The following ADGRG3 variants were observed in gnomAD, a reference collection of about 807,000 sequenced individuals.
ADGRG3 encodes G protein-coupled receptor 97.
Under a neutral mutation model 54.3 loss-of-function variants are expected in ADGRG3, and 39 were observed. The ratio of observed to expected loss-of-function variants is 0.72; its 90% confidence interval spans 0.56 to 0.94. The LOEUF is 0.94. ADGRG3 is among the 40% of genes least tolerant of loss of function. The pLI, the probability that ADGRG3 is intolerant of heterozygous loss-of-function variation, is 0.00. For synonymous variants in ADGRG3, 312 were observed against 290.0 expected (o/e 1.08, Z -0.77); for missense variants, 654 against 694.6 (o/e 0.94, Z 0.66).
At chr16:57,678,077 C>T (rs2048294902) in intron 3 of ADGRG3, 93 bp from the exon 4 acceptor site, 1 of 1,506,390 alleles carries the variant, frequency 6.6e-7, no homozygotes, top group South Asian at 1.2e-5. Flanking sequence ...TGCCCCCTAC[C>T]CAGTGTGCCT....
intron 1 of ADGRG3, among the ~76,000 whole-genome samples, chr16:57,668,658 A>G (rs1449695306): frequency 6.6e-6 from 1 of 152,154 alleles, no homozygotes; most frequent in African/African-American, 2.4e-5. Context: ...TGCCCTGGAG[A>G]TAGGGGAGGT....
upstream of ADGRG3, among the ~76,000 whole-genome samples, chr16:57,666,345 CAGGT>C (rs1474118081): frequency 1.3e-5 from 2 of 152,266 alleles, no homozygotes; most frequent in Admixed American, 1.3e-4. Context: ...CTCACCTTCT[CAGGT>C]AGGCCCTGCA....
chr16:57,684,244 G>T, intron 9 of ADGRG3, 32 bp downstream of exon 9: 4 of 1,599,040 alleles, frequency 2.5e-6, no homozygotes, highest in Non-Finnish European at 3.4e-6. Context: ...AGAATAAACG[G>T]CCGGCCCTGA....
intron 6 of ADGRG3, 144 bp downstream of exon 6, chr16:57,679,999 C>T: frequency 7.6e-6 from 4 of 528,306 alleles, no homozygotes; most frequent in Non-Finnish European, 1.3e-5. Context: ...CCTGCATCCC[C>T]TCCCTTCCCC....
chr16:57,670,791 A>T (rs1464647063), intron 1 of ADGRG3, among the ~76,000 whole-genome samples: 4 of 152,160 alleles, frequency 2.6e-5, no homozygotes, highest in Non-Finnish European at 5.9e-5. Context: ...GTTACTCTTT[A>T]TTCAGCCATT....
intron 10 of ADGRG3, 148 bp from the exon 11 acceptor site, chr16:57,685,495 G>T (rs954071376): frequency 1.4e-6 from 1 of 714,738 alleles, no homozygotes; most frequent in Non-Finnish European, 2.4e-6. Flanking sequence ...GCCAGGTGAC[G>T]GCCCCTCCCA....
intron 1 of ADGRG3, among the ~76,000 whole-genome samples, chr16:57,671,550 G>A (rs990938066): frequency 2.0e-5 from 3 of 151,946 alleles, no homozygotes; most frequent in Non-Finnish European, 1.5e-5. Flanking sequence ...GGCCAGGCTG[G>A]TCTCAAACTC....
At chr16:57,678,952 G>A (rs1415408253) in intron 4 of ADGRG3, 3 of 585,910 alleles carry the variant, frequency 5.1e-6, no homozygotes, top group Admixed American at 3.0e-5. Flanking sequence ...GAGCTGTCAG[G>A]TGCACAGCTT....
chr16:57,681,375 TGCGC>T (rs55790107), intron 8 of ADGRG3, among the ~76,000 whole-genome samples: 20,365 of 94,488 alleles, frequency 0.22, 1,521 homozygotes, highest in Admixed American at 0.33. Flanking sequence ...TGTGTGTGTG[TGCGC>T]GCGTGCGTGC....
intron 2 of ADGRG3, 95 bp from the exon 3 acceptor site, chr16:57,676,105 G>T (rs2048257885): frequency 2.6e-6 from 3 of 1,163,862 alleles, no homozygotes; most frequent in South Asian, 1.4e-5. Flanking sequence ...TCTTTACTTT[G>T]ATAGTTTGGG....
intron 1 of ADGRG3, among the ~76,000 whole-genome samples, chr16:57,670,153 C>T (rs2048128109): frequency 6.6e-6 from 1 of 152,182 alleles, no homozygotes; most frequent in Non-Finnish European, 1.5e-5. Flanking sequence ...GTCCACTTTC[C>T]ACTTGCTGAC....
In ADGRG3 at chr16:57,685,906, C is replaced by A. The variant is rs1448160122; in HGVS notation, c.1520C>A (p.Ala507Glu). The A allele has an allele frequency of 1.2e-6, 2 of 1,613,972 alleles. No individual in the cohort carries two copies. Among genetic ancestry groups the A allele is most frequent in the African/African-American group, 2.7e-5 (2 of 74,928 alleles). Residue 507 changes from alanine to glutamate, a missense_variant, in exon 11 of 12, where the codon GCA becomes GAA. Transcript: ENST00000333493. ...PLGLSTVYIF[A>E]LFNSLQGVFI... is the part of the protein sequence containing the mutation. ...GGCCTCTCCACCGTCTACATCTTTG[C>A]ACTTTTCAACTCCTTGCAAGGTGAG...
chr16:57,685,498 C>A, intron 10 of ADGRG3, 145 bp from the exon 11 acceptor site: 1 of 741,000 alleles, frequency 1.3e-6, no homozygotes, highest in Non-Finnish European at 2.3e-6. Flanking sequence ...AGGTGACGGC[C>A]CCTCCCACAG....
intron 11 of ADGRG3, 132 bp from the exon 12 acceptor site, chr16:57,688,220 G>T: frequency 1.5e-6 from 1 of 672,888 alleles, no homozygotes; most frequent in South Asian, 1.7e-5. Flanking sequence ...TGAAATGGTT[G>T]CATTTTTGCC....
rs1374683359 is a variant in ADGRG3 at position 57,685,915 on chromosome 16, ACTC to A, written c.1532_1534del (p.Ser511del). The A allele has an allele frequency of 1.2e-6, 2 of 1,613,076 alleles. No homozygotes were observed. The highest frequency in any genetic ancestry group is 4.5e-5 in the East Asian group (2 of 44,850). ...ACCGTCTACATCTTTGCACTTTTCA[ACTC>A]CTTGCAAGGTGAGGCCCCTGCACCA... On this transcript the variant is annotated inframe_deletion, in exon 11 of 12. Coordinates refer to ENST00000333493, the MANE Select transcript of ADGRG3 (RefSeq NM_170776.5).
At position 57,668,336 on chromosome 16, in the gene ADGRG3, G is replaced by T; in HGVS notation, c.-12G>T. 6.4e-7 allele frequency: 1 copy of T among 1,564,146 alleles called. No individual in the cohort carries two copies. Among genetic ancestry groups the T allele is most frequent in the South Asian group, 1.2e-5 (1 of 85,578 alleles). On this transcript the variant is annotated 5_prime_UTR_variant, in exon 1 of 12. The change creates a new upstream start codon in the 5' untranslated region. Transcript: ENST00000333493. ...GCCACAGAGCTCCTGGCGTGGGCAA[G>T]GCTGGCCAAGGATGGCGACGCCCAG...
upstream of ADGRG3, among the ~76,000 whole-genome samples, chr16:57,666,248 G>A (rs1291602306): frequency 1.3e-5 from 2 of 152,162 alleles, no homozygotes; most frequent in Admixed American, 6.5e-5. Context: ...ACCCAGCCCC[G>A]TTCCTCCGCA....
chr16:57,680,654 C>A (rs370474082), intron 8 of ADGRG3, 37 bp downstream of exon 8: 5 of 1,430,434 alleles, frequency 3.5e-6, no homozygotes, highest in Non-Finnish European at 3.9e-6. Context: ...GTCTCCCTCC[C>A]GCCCTCAAGG....
upstream of ADGRG3, among the ~76,000 whole-genome samples, chr16:57,666,649 G>A (rs1241633820): frequency 1.3e-5 from 2 of 152,172 alleles, no homozygotes; most frequent in South Asian, 4.1e-4. Flanking sequence ...CTGGGGTTGG[G>A]GGGGGTCTCA....
Sources: allele counts gnomAD v4.1 joint callset (sites outside exome capture counted in the v4.1 genomes callset), GRCh38; gene constraint gnomAD v4.1.1; transcripts MANE v1.5; gene names NCBI Gene and HGNC (gene_info 2026-07-23, HGNC 2026-07-21).